The following ITSN1 variants were observed in gnomAD, a reference collection of about 807,000 sequenced individuals.
The protein encoded by ITSN1 is intersectin 1.
In ITSN1, 58 loss-of-function variants were observed where a neutral mutation model predicts 239.8. The observed-to-expected ratio is 0.24, with a 90% CI of 0.20 to 0.30. The LOEUF is 0.30. Ranked by LOEUF, ITSN1 falls within the 10% of genes least tolerant of loss-of-function variation. ITSN1 has a pLI of 1.00. For missense variants in ITSN1, 1,558 were observed against 2,103.3 expected (o/e 0.74, Z 5.07); for synonymous variants, 780 against 770.8 (o/e 1.01, Z -0.20).
In ITSN1 at chr21:33,882,128, C is replaced by CT; in HGVS notation, c.4342-111dup. ...CCAAAGTCTTCAAAGCTATCCTTGA[C>CT]TTTTGCCTGAGATCCGAGTCTGCTG... is the stretch of plus-strand genomic sequence containing the variant. On this transcript the variant is annotated intron_variant, in intron 34 of 39. Transcript: ENST00000381318. The surrounding 1 kb of genome is among the most constrained non-coding windows in gnomAD (Gnocchi z 4.5). 1 of 850,894 alleles carries CT rather than the reference C, an allele frequency of 1.2e-6. No individual in the cohort carries two copies. Among genetic ancestry groups the CT allele is most frequent in the East Asian group, 2.6e-5 (1 of 38,036 alleles). 52.7% of individuals were successfully genotyped at this position (850,894 alleles called of 1,614,324 possible).
At chr21:33,707,214 G>A (rs943562176) in intron 1 of ITSN1, among the ~76,000 whole-genome samples, 1 of 151,938 alleles carries the variant, frequency 6.6e-6, no homozygotes, top group Admixed American at 6.6e-5. Context: ...TTTGTGGCTT[G>A]TGGCTCTCTT....
intron 5 of ITSN1, among the ~76,000 whole-genome samples, chr21:33,737,822 C>G (rs907509335): frequency 6.6e-6 from 1 of 152,138 alleles, no homozygotes; most frequent in Non-Finnish European, 1.5e-5. Flanking sequence ...GATCCACCCA[C>G]CTCAGCCTCC....
At chr21:33,745,748 T>C (rs1277638970) in intron 5 of ITSN1, among the ~76,000 whole-genome samples, 1 of 152,188 alleles carries the variant, frequency 6.6e-6, no homozygotes, top group Non-Finnish European at 1.5e-5. Flanking sequence ...AGAGCAGGTA[T>C]GACCAGCCAC....
At chr21:33,670,702 T>C (rs972479476) in intron 1 of ITSN1, among the ~76,000 whole-genome samples, 5 of 152,204 alleles carry the variant, frequency 3.3e-5, no homozygotes, top group Middle Eastern at 3.2e-3. Flanking sequence ...AAGAAATGTA[T>C]TCATCTCAGA....
At chr21:33,804,782 A>G (rs73900367) in intron 20 of ITSN1, among the ~76,000 whole-genome samples, 2,978 of 152,320 alleles carry the variant, frequency 0.02, 100 homozygotes, top group African/African-American at 0.067. Flanking sequence ...TTTGGCTTTC[A>G]TGGGCCACAT....
At chr21:33,824,018 G>A (rs1315191274) in intron 25 of ITSN1, among the ~76,000 whole-genome samples, 1 of 152,308 alleles carries the variant, frequency 6.6e-6, no homozygotes, top group Admixed American at 6.5e-5. Flanking sequence ...AAGAATGGTA[G>A]CAATATTTTG....
chr21:33,800,032 A>G (rs2071858579), intron 19 of ITSN1, 103 bp downstream of exon 19: 1 of 1,176,544 alleles, frequency 8.5e-7, no homozygotes, highest in African/African-American at 1.6e-5. Context: ...TGAGTATGAA[A>G]CCCAATAATC....
rs1213608701 is a variant in ITSN1, at chr21:33,865,507, A to G, written c.4074+173A>G. On this transcript the variant is annotated intron_variant, in intron 32 of 39. Transcript: ENST00000381318. The surrounding 1 kb of genome is among the most constrained non-coding windows in gnomAD (Gnocchi z 4.4). ...GCACTCACTGGCAAGTGTGGCTGTC[A>G]CCAAAGGGGTGGGCTTGGAGAGGAG... 6.6e-6 allele frequency among the ~76,000 whole-genome samples: 1 copy of G among 152,208 alleles called. No individual in the cohort carries two copies. Among genetic ancestry groups the G allele is most frequent in the Non-Finnish European group, 1.5e-5 (1 of 68,036 alleles).
intron 6 of ITSN1, among the ~76,000 whole-genome samples, chr21:33,751,396 G>T (rs1272271842): frequency 2.0e-5 from 3 of 152,176 alleles, no homozygotes; most frequent in Non-Finnish European, 4.4e-5. Flanking sequence ...AGTGTCACAT[G>T]TTATCTGGCC....
At chr21:33,708,805 T>G (rs1265850110) in intron 1 of ITSN1, among the ~76,000 whole-genome samples, 1 of 152,232 alleles carries the variant, frequency 6.6e-6, no homozygotes, top group African/African-American at 2.4e-5. Context: ...GTTTTGCATT[T>G]AGGCCTAGGA....
chr21:33,800,988 A>T (rs1398828082), intron 19 of ITSN1, among the ~76,000 whole-genome samples: 4 of 151,254 alleles, frequency 2.6e-5, no homozygotes, highest in Admixed American at 6.6e-5. Context: ...CTCCCACCTC[A>T]TCCTCCCAAC....
At chr21:33,667,944 T>C (rs2090026852) in intron 1 of ITSN1, among the ~76,000 whole-genome samples, 1 of 152,032 alleles carries the variant, frequency 6.6e-6, no homozygotes, top group South Asian at 2.1e-4. Flanking sequence ...AGCAAGCAGA[T>C]GGTTAGAAGA....
At chr21:33,792,110 A>G (rs1286006026) in intron 16 of ITSN1, among the ~76,000 whole-genome samples, 1 of 152,206 alleles carries the variant, frequency 6.6e-6, no homozygotes, top group African/African-American at 2.4e-5. Context: ...AACTAGAAGA[A>G]CACCTAAAGA....
chr21:33,834,311 G>A lies in ITSN1; in HGVS notation c.3356G>A (p.Arg1119His), dbSNP rs2074475719. 1.9e-6 allele frequency: 3 copies of A among 1,612,878 alleles called. No homozygotes were observed. Among genetic ancestry groups the A allele is most frequent in the South Asian group, 1.1e-5 (1 of 91,034 alleles). The part of the protein sequence containing the change: ...GGWWEGELQA[R>H]GKKRQIGWFP... ...ATGTAATTATTTTCTTACTAGGCACGTGGGAAAAAGCGCCAGATAGGCTGG... is the reference window on the plus strand; with the variant it reads ...ATGTAATTATTTTCTTACTAGGCACATGGGAAAAAGCGCCAGATAGGCTGG... The change falls in exon 28 of 40, where the codon CGT (arginine) becomes CAT (histidine). Residue 1119 changes from arginine to histidine, a missense_variant. Arg to His is a conservative substitution (Grantham distance 29). Around this residue, in one of 2 missense-constraint regions of ITSN1, gnomAD observed 576 missense variants for 893.3 expected, o/e 0.64. Coordinates refer to ENST00000381318, the MANE Select transcript of ITSN1 (RefSeq NM_003024.3).
At position 33,795,161 on chromosome 21, in the gene ITSN1, T is replaced by C. The variant is rs191832321; in HGVS notation, c.1952+693T>C. Among the ~76,000 whole-genome samples, 73 of 152,210 alleles carry C rather than the reference T, an allele frequency of 4.8e-4. No homozygotes were observed. The Middle Eastern group carries it at 0.014, about 28-fold the overall frequency. On this transcript the variant is annotated intron_variant, in intron 17 of 39. Coordinates refer to ENST00000381318, the MANE Select transcript of ITSN1 (RefSeq NM_003024.3). ...AATTATAAAAGTTGGTAATTGAAATTAGATTAAGGCCAGGCATGGTGGCTC... is the reference window on the plus strand; with the variant it reads ...AATTATAAAAGTTGGTAATTGAAATCAGATTAAGGCCAGGCATGGTGGCTC...
chr21:33,704,910 A>G (rs2092177475), intron 1 of ITSN1, among the ~76,000 whole-genome samples: 1 of 143,034 alleles, frequency 7.0e-6, no homozygotes, highest in African/African-American at 2.7e-5. Context: ...AACATGGAGA[A>G]ACCCATCTCT....
chr21:33,881,528 G>C (rs1984915771), intron 34 of ITSN1, among the ~76,000 whole-genome samples: 1 of 152,146 alleles, frequency 6.6e-6, no homozygotes, highest in South Asian at 2.1e-4. Context: ...AGAGAGACGG[G>C]GGCTGCTGCT....
chr21:33,661,982 C>G (rs750668306), intron 1 of ITSN1, among the ~76,000 whole-genome samples: 26 of 152,086 alleles, frequency 1.7e-4, no homozygotes, highest in Non-Finnish European at 2.4e-4. Flanking sequence ...ATGAAAGGGT[C>G]TTAGGACTCC....
intron 1 of ITSN1, among the ~76,000 whole-genome samples, chr21:33,656,767 A>G (rs532010550): frequency 1.1e-4 from 17 of 152,170 alleles, no homozygotes; most frequent in South Asian, 2.1e-4. Flanking sequence ...CTGGAGCGCA[A>G]TCGTGCGATC....
Sources: gnomAD v4.1 joint callset for allele counts (sites outside exome capture counted in the v4.1 genomes callset) on GRCh38, gnomAD v4.1.1 for gene constraint, gnomAD v4.1.1 regional missense constraint, Gnocchi (gnomAD v3.1) non-coding constraint, MANE v1.5 for transcripts, NCBI Gene and HGNC (gene_info 2026-07-23, HGNC 2026-07-21) for gene names.